NHSL1: variants seen among roughly 807,000 people sequenced by gnomAD.
NHSL1 encodes NHS-like protein 1.
NHSL1 carries 48 observed loss-of-function variants against 95.0 expected under a neutral mutation model. That is an observed-to-expected ratio of 0.51 (90% CI 0.40 to 0.64). The LOEUF (loss-of-function observed/expected upper bound fraction) is 0.64, where lower values mean the gene tolerates loss of function less well. NHSL1 is among the 30% of genes least tolerant of loss of function. NHSL1 has a pLI of 0.00. For synonymous variants in NHSL1, 783 were observed against 833.9 expected (o/e 0.94, Z 1.05); for missense variants, 1,971 against 2,077.7 (o/e 0.95, Z 1.00).
At chr6:138,438,817 T>A (rs968784535) in intron 5 of NHSL1, among the ~76,000 whole-genome samples, 1 of 152,128 alleles carries the variant, frequency 6.6e-6, no homozygotes, top group African/African-American at 2.4e-5. Flanking sequence ...ATAAAGGGAT[T>A]CCTTTAGATG....
chr6:138,625,740 C>T (rs1387054535), intron 1 of NHSL1, among the ~76,000 whole-genome samples: 1 of 151,908 alleles, frequency 6.6e-6, no homozygotes, highest in African/African-American at 2.4e-5. Context: ...AACTCCGGGG[C>T]TCAAGATCCT....
intron 1 of NHSL1, among the ~76,000 whole-genome samples, chr6:138,527,370 T>C (rs927365861): frequency 6.6e-6 from 1 of 152,092 alleles, no homozygotes; most frequent in Admixed American, 6.6e-5. Context: ...AGGGCAAAAG[T>C]GCCCCCTGCC....
At chr6:138,548,888 T>C (rs1208817780), upstream of NHSL1, among the ~76,000 whole-genome samples, 1 of 150,598 alleles carries the variant, frequency 6.6e-6, no homozygotes. Flanking sequence ...CCTACTGCCA[T>C]CTCATTAAGC....
At chr6:138,461,899 A>G (rs960374901) in intron 3 of NHSL1, among the ~76,000 whole-genome samples, 1 of 152,198 alleles carries the variant, frequency 6.6e-6, no homozygotes, top group African/African-American at 2.4e-5. Flanking sequence ...TGAATTGCAA[A>G]TATGAAGTCC....
At chr6:138,580,027 T>C (rs1453926105) in intron 1 of NHSL1, among the ~76,000 whole-genome samples, 1 of 152,234 alleles carries the variant, frequency 6.6e-6, no homozygotes, top group African/African-American at 2.4e-5. Context: ...ATTAACAGAA[T>C]TGAATATAAA....
intron 1 of NHSL1, among the ~76,000 whole-genome samples, chr6:138,581,893 CTTTCTT>C (rs1038746578): frequency 1.6e-5 from 2 of 128,214 alleles, no homozygotes; most frequent in African/African-American, 6.8e-5. Flanking sequence ...TCTACTTTTT[CTTTCTT>C]TTTTTTTTTT....
chr6:138,565,305 CCAT>C (rs1289406633), intron 1 of NHSL1, among the ~76,000 whole-genome samples: 1 of 152,096 alleles, frequency 6.6e-6, no homozygotes, highest in Admixed American at 6.5e-5. Flanking sequence ...CAGGGTTTCA[CCAT>C]GTTGGCCAGG....
chr6:138,457,096 G>C (rs1259060395), intron 3 of NHSL1, among the ~76,000 whole-genome samples: 1 of 152,044 alleles, frequency 6.6e-6, no homozygotes, highest in African/African-American at 2.4e-5. Context: ...GGCCAGGCTA[G>C]TCTGGAACTC....
chr6:138,657,480 T>C (rs1271088145), intron 1 of NHSL1, among the ~76,000 whole-genome samples: 4 of 152,234 alleles, frequency 2.6e-5, no homozygotes, highest in Non-Finnish European at 5.9e-5. Context: ...TTCTACAATA[T>C]CCCTGAACTA....
chr6:138,628,156 T>C (rs12333078), intron 1 of NHSL1, among the ~76,000 whole-genome samples: 6 of 144,306 alleles, frequency 4.2e-5, no homozygotes, highest in Non-Finnish European at 8.8e-5. Flanking sequence ...CTACTAAAAA[T>C]ACAAAATTAG....
intron 5 of NHSL1, among the ~76,000 whole-genome samples, chr6:138,440,924 A>G (rs1776487640): frequency 6.6e-6 from 1 of 152,250 alleles, no homozygotes; most frequent in Non-Finnish European, 1.5e-5. Flanking sequence ...AGTAACTATT[A>G]GGAAATAAGT....
In NHSL1 at chr6:138,433,382, G is replaced by C. The variant is rs1271672951; in HGVS notation, c.963C>G (p.Gly321=). ...VFPSRLDSDA[G]FHSLPRSGAR... ...CTCCAGAACGCGGAAGACTATGGAA[G>C]CCAGCATCACTGTCAAGGCGGGAAG... Residue 321 remains glycine, a synonymous_variant, in exon 6 of 8, where the codon GGC becomes GGG. Transcript: ENST00000343505. 1 of 1,552,324 alleles carries C rather than the reference G, an allele frequency of 6.4e-7. No homozygotes were observed. Among genetic ancestry groups the C allele is most frequent in the Admixed American group, 2.0e-5 (1 of 51,008 alleles).
intron 1 of NHSL1, chr6:138,571,589 A>C: frequency 1.1e-6 from 1 of 895,726 alleles, no homozygotes; most frequent in South Asian, 1.8e-5. Context: ...CCAATACAAA[A>C]ACAAACATTT....
Position 138,510,060 on chromosome 6 carries a change from ACTGT to A in NHSL1, c.17-13693_17-13690del, listed in dbSNP as rs1395658618. 5.9e-5 allele frequency among the ~76,000 whole-genome samples: 9 copies of A among 152,366 alleles called. No individual in the cohort carries two copies. The South Asian group carries it at 1.2e-3, about 21-fold the overall frequency. ...TGACTGAAGGCAAATCAGATTTATCACTGTCTAACTTCTTCCCAATTAATAATCA... is the reference window on the plus strand; with the variant it reads ...TGACTGAAGGCAAATCAGATTTATCACTAACTTCTTCCCAATTAATAATCA... On this transcript the variant is annotated intron_variant, in intron 1 of 4. Coordinates refer to the NHSL1 transcript ENST00000342260.
At chr6:138,571,906 T>C in exon 1 of NHSL1, 1 of 1,551,064 alleles carries the variant, frequency 6.4e-7, no homozygotes, top group South Asian at 1.2e-5. Context: ...AGCCTTCCTT[T>C]TTCATCTTCT....
intron 1 of NHSL1, among the ~76,000 whole-genome samples, chr6:138,537,744 C>T (rs945181559): frequency 3.3e-5 from 5 of 152,080 alleles, no homozygotes; most frequent in Admixed American, 3.3e-4. Flanking sequence ...TTATTTGGGT[C>T]ATGATTAGCA....
chr6:138,639,638 T>C (rs1364746256), intron 1 of NHSL1, among the ~76,000 whole-genome samples: 1 of 143,626 alleles, frequency 7.0e-6, no homozygotes, highest in African/African-American at 2.7e-5. Context: ...TGAGACTCCG[T>C]CTCAAAAAAA....
chr6:138,684,105 G>A (rs1034156092), intron 1 of NHSL1, among the ~76,000 whole-genome samples: 3 of 151,278 alleles, frequency 2.0e-5, no homozygotes, highest in Admixed American at 6.6e-5. Flanking sequence ...CCAGCTACTC[G>A]GGAGGCTGAG....
At chr6:138,677,581 A>C (rs1386818703) in intron 1 of NHSL1, among the ~76,000 whole-genome samples, 1 of 152,184 alleles carries the variant, frequency 6.6e-6, no homozygotes, top group Non-Finnish European at 1.5e-5. Context: ...CCTTTAAAGT[A>C]CTGTCCTGAC....
Sources: allele counts gnomAD v4.1 joint callset (sites outside exome capture counted in the v4.1 genomes callset), GRCh38; gene constraint gnomAD v4.1.1; transcripts MANE v1.5; gene names NCBI Gene and HGNC (gene_info 2026-07-23, HGNC 2026-07-21).